DAB2IP: variants seen among roughly 807,000 people sequenced by gnomAD.
DAB2IP encodes DAB2 interacting protein.
A neutral mutation model predicts 107.2 loss-of-function variants in DAB2IP; 28 were observed. That is an observed-to-expected ratio of 0.26 (90% CI 0.19 to 0.36). The LOEUF (loss-of-function observed/expected upper bound fraction) is 0.36, where lower values mean the gene tolerates loss of function less well. Ranked by LOEUF, DAB2IP falls within the 10% of genes least tolerant of loss-of-function variation. The probability of loss-of-function intolerance (pLI) is 1.00; values close to 1 mark genes in which losing one functional copy is unlikely to be tolerated. For missense variants in DAB2IP, 1,400 were observed against 1,644.7 expected, an observed-to-expected ratio of 0.85 and a Z score of 2.57; for synonymous variants, 755 against 706.4, an observed-to-expected ratio of 1.07 and a Z score of -1.09.
chr9:121,736,772 C>T lies in DAB2IP; in HGVS notation c.363-20241C>T, dbSNP rs891265159. ...AGCTTGAAAAATGCATTCATTCATT[C>T]AGTACATCTGTCGAGTGTCTACTCT... On this transcript the variant is annotated intron_variant, in intron 3 of 15. Transcript: ENST00000408936. The surrounding 1 kb of genome is among the most constrained non-coding windows in gnomAD (Gnocchi z 4.6). Among the ~76,000 whole-genome samples the T allele has an allele frequency of 6.6e-6, 1 of 152,254 alleles. No homozygotes were observed. The highest frequency in any genetic ancestry group is 1.5e-5 in the Non-Finnish European group (1 of 68,054).
chr9:121,680,274 G>T (rs967081510), intron 2 of DAB2IP, among the ~76,000 whole-genome samples: 3 of 152,244 alleles, frequency 2.0e-5, no homozygotes, highest in Non-Finnish European at 4.4e-5. Flanking sequence ...TCCACTGCCA[G>T]TATGTTATAA....
At chr9:121,718,867 C>A (rs1416002080) in intron 3 of DAB2IP, among the ~76,000 whole-genome samples, 1 of 152,214 alleles carries the variant, frequency 6.6e-6, no homozygotes, top group Non-Finnish European at 1.5e-5. Flanking sequence ...CTAGCTCCTT[C>A]TGCTTAAAGC....
intron 1 of DAB2IP, among the ~76,000 whole-genome samples, chr9:121,567,736 A>C (rs922349634): frequency 2.6e-5 from 4 of 152,160 alleles, no homozygotes; most frequent in South Asian, 4.2e-4. Context: ...GGCCACTGGA[A>C]GCTCTGCATG....
intron 1 of DAB2IP, among the ~76,000 whole-genome samples, chr9:121,632,290 C>T (rs1367287848): frequency 2.0e-5 from 3 of 152,228 alleles, no homozygotes. Flanking sequence ...TAAAGCTCAG[C>T]ACAGTTCCTG....
intron 5 of DAB2IP, 102 bp downstream of exon 5, chr9:121,759,098 G>A: frequency 4.9e-6 from 6 of 1,230,694 alleles, no homozygotes; most frequent in Non-Finnish European, 7.0e-6. Context: ...GGGATTGGGG[G>A]TGGTCAGCCT....
At chr9:121,676,027 G>A (rs1833888084) in intron 1 of DAB2IP, among the ~76,000 whole-genome samples, 1 of 152,266 alleles carries the variant, frequency 6.6e-6, no homozygotes, top group Admixed American at 6.5e-5. Context: ...AGGGCCTTAA[G>A]AGACGGCGCC....
exon 12 of DAB2IP, chr9:121,773,385 C>T (rs1403671217): frequency 6.3e-7 from 1 of 1,597,782 alleles, no homozygotes; most frequent in Non-Finnish European, 8.5e-7. Context: ...AAGCGGAACC[C>T]TGGCGTCGGC....
chr9:121,679,299 G>T (rs558818014), intron 2 of DAB2IP, among the ~76,000 whole-genome samples: 2 of 151,876 alleles, frequency 1.3e-5, no homozygotes, highest in South Asian at 2.1e-4. Context: ...TGAACTGAGT[G>T]GTCCCCACAA....
intron 1 of DAB2IP, among the ~76,000 whole-genome samples, chr9:121,668,124 G>A (rs1376765365): frequency 6.6e-6 from 1 of 152,026 alleles, no homozygotes; most frequent in Non-Finnish European, 1.5e-5. Flanking sequence ...TGCGAATTAT[G>A]GGAGTACAAT....
intron 3 of DAB2IP, among the ~76,000 whole-genome samples, chr9:121,730,117 A>G (rs1831444853): frequency 6.6e-6 from 1 of 152,174 alleles, no homozygotes; most frequent in Non-Finnish European, 1.5e-5. Context: ...GCTGCCTCCC[A>G]GCCATGTCCA....
intron 3 of DAB2IP, among the ~76,000 whole-genome samples, chr9:121,718,324 C>G (rs1830721080): frequency 1.3e-5 from 2 of 152,178 alleles, no homozygotes; most frequent in African/African-American, 4.8e-5. Flanking sequence ...GAGGCGTGGG[C>G]GGGGGTCCTC....
chr9:121,626,295 C>G (rs1831643256), intron 1 of DAB2IP, among the ~76,000 whole-genome samples: 1 of 151,744 alleles, frequency 6.6e-6, no homozygotes, highest in Non-Finnish European at 1.5e-5. Context: ...CCTCAGAGAG[C>G]CTGTGTTTCC....
At chr9:121,695,582 G>C (rs553209296) in intron 2 of DAB2IP, among the ~76,000 whole-genome samples, 2 of 152,324 alleles carry the variant, frequency 1.3e-5, no homozygotes, top group South Asian at 4.1e-4. Context: ...AGTGGGAATG[G>C]TCAGCAAGCG....
Position 121,684,823 on chromosome 9 carries a change from G to A in DAB2IP, c.228+6042G>A, listed in dbSNP as rs972925462. ...GGAAACTGAGGCCTGGAGAGGAGCA[G>A]CTTGCCCAGGATACTTGCTGGGGCT... On this transcript the variant is annotated intron_variant, in intron 2 of 15. Transcript: ENST00000408936. The surrounding 1 kb of genome is among the most constrained non-coding windows in gnomAD (Gnocchi z 4.0). Among the ~76,000 whole-genome samples, 3 of 152,224 alleles carry A rather than the reference G, an allele frequency of 2.0e-5. No homozygotes were observed. The highest frequency in any genetic ancestry group is 4.4e-5 in the Non-Finnish European group (3 of 68,020).
intron 1 of DAB2IP, among the ~76,000 whole-genome samples, chr9:121,628,108 G>C (rs1265279072): frequency 6.6e-6 from 1 of 152,242 alleles, no homozygotes; most frequent in Non-Finnish European, 1.5e-5. Context: ...TGTGGTTCTT[G>C]CCTTGGCCTT....
chr9:121,693,194 T>TG (rs1417655659), intron 2 of DAB2IP, among the ~76,000 whole-genome samples: 1 of 152,192 alleles, frequency 6.6e-6, no homozygotes, highest in African/African-American at 2.4e-5. Context: ...CTCCGCCTGG[T>TG]GACGCTGGGC....
At chr9:121,638,775 G>A (rs1029655707) in intron 1 of DAB2IP, among the ~76,000 whole-genome samples, 10 of 152,204 alleles carry the variant, frequency 6.6e-5, no homozygotes, top group South Asian at 2.1e-4. Flanking sequence ...TAGAGATGGC[G>A]ATGCCCTGGT....
At chr9:121,604,296 C>G (rs994199284) in intron 1 of DAB2IP, among the ~76,000 whole-genome samples, 4 of 152,222 alleles carry the variant, frequency 2.6e-5, no homozygotes, top group African/African-American at 9.6e-5. Context: ...ACGGTTCTAA[C>G]CTCTCCCTGG....
At chr9:121,732,171 C>T (rs151081513) in intron 3 of DAB2IP, among the ~76,000 whole-genome samples, 1 of 152,312 alleles carries the variant, frequency 6.6e-6, no homozygotes, top group African/African-American at 2.4e-5. Context: ...CAGCCCCTGG[C>T]ACACTATGCT....
Sources: gnomAD v4.1 joint callset for allele counts (sites outside exome capture counted in the v4.1 genomes callset) on GRCh38, gnomAD v4.1.1 for gene constraint, Gnocchi (gnomAD v3.1) non-coding constraint, MANE v1.5 for transcripts, NCBI Gene and HGNC (gene_info 2026-07-23, HGNC 2026-07-21) for gene names.